The following RBFOX1 variants were observed in gnomAD, a reference collection of about 807,000 sequenced individuals.
The protein encoded by RBFOX1 is RNA binding protein fox-1 homolog 1.
RBFOX1 carries 8 observed loss-of-function variants against 57.7 expected under a neutral mutation model. That is an observed-to-expected ratio of 0.14 (90% CI 0.08 to 0.25). RBFOX1 has a LOEUF of 0.25. Among genes scored for constraint, RBFOX1 ranks in the 10% least tolerant of loss-of-function variants. The pLI, the probability that RBFOX1 is intolerant of heterozygous loss-of-function variation, is 1.00. For synonymous variants in RBFOX1, 326 were observed against 222.4 expected (o/e 1.47, Z -4.15); for missense variants, 611 against 548.5 (o/e 1.11, Z -1.14).
At chr16:6,702,119 C>T (rs886166570) in intron 3 of RBFOX1, among the ~76,000 whole-genome samples, 12 of 152,134 alleles carry the variant, frequency 7.9e-5, no homozygotes, top group Admixed American at 2.6e-4. Context: ...AATTAGACCT[C>T]GTGGTAAATC....
At chr16:6,512,378 A>G (rs1450119186) in intron 2 of RBFOX1, among the ~76,000 whole-genome samples, 3 of 152,044 alleles carry the variant, frequency 2.0e-5, no homozygotes, top group Middle Eastern at 3.4e-3. Context: ...TTCAATCAAG[A>G]GTGCTCAAAA....
Position 6,534,617 on chromosome 16 carries a change from C to G in RBFOX1, c.-63-119986C>G, listed in dbSNP as rs1016033. On this transcript the variant is annotated intron_variant, in intron 2 of 15. Coordinates refer to ENST00000550418, the MANE Select transcript of RBFOX1 (RefSeq NM_018723.4). ...TGATACCCGGGTGATTTACACTAAT[C>G]GTCACAAGACCGCAATCTACCTTTT... Among the ~76,000 whole-genome samples the G allele has an allele frequency of 2.0e-5, 3 of 152,012 alleles. No individual in the cohort carries two copies. In the East Asian group the frequency reaches 5.8e-4, roughly 29 times the overall value.
intron 3 of RBFOX1, among the ~76,000 whole-genome samples, chr16:6,945,159 T>TG (rs1189831724): frequency 6.6e-6 from 1 of 151,916 alleles, no homozygotes; most frequent in Non-Finnish European, 1.5e-5. Context: ...GATGAGAGTA[T>TG]GGGGAAAAAA....
rs537967547 is a variant in RBFOX1 at position 6,733,012 on chromosome 16, G to T, written c.-16+78362G>T. 6.7e-3 allele frequency among the ~76,000 whole-genome samples: 1,018 copies of T among 152,202 alleles called. 4 individuals are homozygous for T. The highest frequency in any genetic ancestry group is 0.011 in the Non-Finnish European group (715 of 68,000). Reference sequence around the variant, plus strand: ...ATTTCTTTATTGGCATTTTTTAAAGGTTAGGTACATAGTCTTTTTAAAAAT... The same window carrying T: ...ATTTCTTTATTGGCATTTTTTAAAGTTTAGGTACATAGTCTTTTTAAAAAT... On this transcript the variant is annotated intron_variant, in intron 3 of 15. Coordinates refer to ENST00000550418, the MANE Select transcript of RBFOX1 (RefSeq NM_018723.4).
intron 1 of RBFOX1, among the ~76,000 whole-genome samples, chr16:5,364,443 C>T (rs533526718): frequency 1.9e-4 from 29 of 152,334 alleles, no homozygotes; most frequent in African/African-American, 6.5e-4. Flanking sequence ...GTTCCAATTA[C>T]AGGCTGCCAA....
At chr16:7,459,530 C>A (rs1464652516) in intron 4 of RBFOX1, among the ~76,000 whole-genome samples, 1 of 152,190 alleles carries the variant, frequency 6.6e-6, no homozygotes, top group Non-Finnish European at 1.5e-5. Context: ...AGCCTTGCAT[C>A]CACTGTGTGG....
chr16:7,130,151 G>A (rs572485830), intron 4 of RBFOX1, among the ~76,000 whole-genome samples: 5 of 151,186 alleles, frequency 3.3e-5, no homozygotes, highest in African/African-American at 1.2e-4. Context: ...TCCTGCCTCA[G>A]CCTTCCAAGT....
intron 4 of RBFOX1, among the ~76,000 whole-genome samples, chr16:7,210,211 C>G (rs764290428): frequency 6.6e-6 from 1 of 152,126 alleles, no homozygotes; most frequent in Admixed American, 6.5e-5. Context: ...CAATAGGATA[C>G]TTCTATAGGT....
intron 4 of RBFOX1, among the ~76,000 whole-genome samples, chr16:7,150,125 G>A (rs190822821): frequency 3.7e-3 from 561 of 152,170 alleles, no homozygotes; most frequent in African/African-American, 0.013. Context: ...CCGGTCATAG[G>A]GCTTTCATGG....
chr16:5,860,025 C>G (rs1015886767), intron 3 of RBFOX1, among the ~76,000 whole-genome samples: 2 of 152,176 alleles, frequency 1.3e-5, no homozygotes, highest in African/African-American at 4.8e-5. Context: ...AGTCAAAATT[C>G]TGACATTTCA....
intron 1 of RBFOX1, among the ~76,000 whole-genome samples, chr16:5,278,179 C>G (rs2063187560): frequency 1.3e-5 from 2 of 152,096 alleles, no homozygotes; most frequent in Non-Finnish European, 2.9e-5. Flanking sequence ...TGTGCTTTGT[C>G]TTTTTAATAA....
At chr16:5,788,378 C>T (rs1455456776) in intron 3 of RBFOX1, among the ~76,000 whole-genome samples, 1 of 152,112 alleles carries the variant, frequency 6.6e-6, no homozygotes, top group Non-Finnish European at 1.5e-5. Flanking sequence ...CCTGTAATCC[C>T]AGCACATCGG....
At chr16:5,920,775 G>A (rs1208805972) in intron 4 of RBFOX1, among the ~76,000 whole-genome samples, 4 of 152,212 alleles carry the variant, frequency 2.6e-5, no homozygotes, top group Non-Finnish European at 4.4e-5. Flanking sequence ...CCTTCAGGAG[G>A]ACCTGGGTGG....
intron 4 of RBFOX1, among the ~76,000 whole-genome samples, chr16:5,997,456 G>A (rs530913262): frequency 6.6e-6 from 1 of 152,306 alleles, no homozygotes; most frequent in Non-Finnish European, 1.5e-5. Context: ...CCACATGCTA[G>A]CTCTGTGATA....
At chr16:6,270,478 A>G (rs2075075979) in intron 1 of RBFOX1, among the ~76,000 whole-genome samples, 1 of 150,958 alleles carries the variant, frequency 6.6e-6, no homozygotes, top group Non-Finnish European at 1.5e-5. Context: ...AAAAAAAACA[A>G]CTAGAAATAG....
At chr16:5,573,269 C>G (rs775190626) in intron 2 of RBFOX1, among the ~76,000 whole-genome samples, 1 of 152,104 alleles carries the variant, frequency 6.6e-6, no homozygotes, top group Non-Finnish European at 1.5e-5. Context: ...CTGGTGGGGA[C>G]GCTGTCCCTT....
chr16:7,293,416 C>T (rs2095832536), intron 4 of RBFOX1, among the ~76,000 whole-genome samples: 1 of 152,166 alleles, frequency 6.6e-6, no homozygotes, highest in African/African-American at 2.4e-5. Context: ...TCTACCGATC[C>T]TTGTCTGTGT....
At chr16:6,217,014 A>C (rs2097339918) in intron 1 of RBFOX1, among the ~76,000 whole-genome samples, 1 of 152,234 alleles carries the variant, frequency 6.6e-6, no homozygotes, top group East Asian at 1.9e-4. Context: ...CGGCAGTTCA[A>C]GTTCAAAAGA....
At position 7,080,932 on chromosome 16, in the gene RBFOX1, A is replaced by G. The variant is rs538984128; in HGVS notation, c.27+28834A>G. Reference sequence around the variant, plus strand: ...AGCAGTTTCTCATTGCTTGTGGAGCAAAACACAGATAGCACCTTTAGTAAC... The same window carrying G: ...AGCAGTTTCTCATTGCTTGTGGAGCGAAACACAGATAGCACCTTTAGTAAC... On this transcript the variant is annotated intron_variant, in intron 4 of 15. Coordinates refer to ENST00000550418, the MANE Select transcript of RBFOX1 (RefSeq NM_018723.4). Among the ~76,000 whole-genome samples, 4 of 152,324 alleles carry G rather than the reference A, an allele frequency of 2.6e-5. No homozygotes were observed. The East Asian group carries it at 5.8e-4, about 22-fold the overall frequency.
Sources: gnomAD v4.1 joint callset for allele counts (sites outside exome capture counted in the v4.1 genomes callset) on GRCh38, gnomAD v4.1.1 for gene constraint, MANE v1.5 for transcripts, NCBI Gene and HGNC (gene_info 2026-07-23, HGNC 2026-07-21) for gene names.